The following TRHDE variants were observed in gnomAD, a reference collection of about 807,000 sequenced individuals.
The protein encoded by TRHDE is thyrotropin releasing hormone degrading enzyme, also known as thyrotropin-releasing hormone-degrading ectoenzyme.
A neutral mutation model predicts 125.7 loss-of-function variants in TRHDE; 72 were observed. That is an observed-to-expected ratio of 0.57 (90% CI 0.47 to 0.70). The LOEUF (loss-of-function observed/expected upper bound fraction) is 0.70, where lower values mean the gene tolerates loss of function less well. Ranked by LOEUF, TRHDE falls within the 30% of genes least tolerant of loss-of-function variation. The pLI is 0.00. For missense variants in TRHDE, 1,110 were observed against 1,327.1 expected, an observed-to-expected ratio of 0.84 and a Z score of 2.54; for synonymous variants, 509 against 509.1, an observed-to-expected ratio of 1.00 and a Z score of 0.00.
At chr12:72,486,183 G>T (rs982052934) in intron 5 of TRHDE, among the ~76,000 whole-genome samples, 2 of 152,174 alleles carry the variant, frequency 1.3e-5, no homozygotes, top group African/African-American at 4.8e-5. Context: ...CCTGGGTCCA[G>T]GTTGCTGGGA....
chr12:72,646,658 G>A (rs1874292934), intron 15 of TRHDE, among the ~76,000 whole-genome samples: 1 of 151,896 alleles, frequency 6.6e-6, no homozygotes, highest in African/African-American at 2.4e-5. Flanking sequence ...TTTGCAAATG[G>A]AAAAGCAGAA....
chr12:72,156,607 G>A (rs1876518905), intron 2 of TRHDE, among the ~76,000 whole-genome samples: 2 of 152,206 alleles, frequency 1.3e-5, no homozygotes, highest in African/African-American at 4.8e-5. Context: ...AAAGATTGCA[G>A]AAGTAGGCAG....
At chr12:72,556,497 C>T (rs1338786000) in intron 7 of TRHDE, among the ~76,000 whole-genome samples, 1 of 152,192 alleles carries the variant, frequency 6.6e-6, no homozygotes, top group Non-Finnish European at 1.5e-5. Flanking sequence ...CCCTCAGTGT[C>T]ACCATGACAG....
chr12:72,259,927 T>C (rs1030791989), intron 2 of TRHDE, among the ~76,000 whole-genome samples: 6 of 152,362 alleles, frequency 3.9e-5, no homozygotes, highest in South Asian at 4.1e-4. Context: ...TTAGGCATCA[T>C]GTAAATGTAG....
intron 15 of TRHDE, among the ~76,000 whole-genome samples, chr12:72,624,096 C>T (rs919034052): frequency 2.0e-5 from 3 of 151,936 alleles, no homozygotes; most frequent in South Asian, 2.1e-4. Context: ...CCTCCTGCAG[C>T]GAGGACACAT....
chr12:72,601,358 G>T (rs1819685352), intron 12 of TRHDE, among the ~76,000 whole-genome samples: 1 of 152,130 alleles, frequency 6.6e-6, no homozygotes, highest in South Asian at 2.1e-4. Flanking sequence ...AGCAAAGAAA[G>T]TGGCTTCTTG....
At chr12:72,531,705 T>C (rs1053885879) in intron 6 of TRHDE, among the ~76,000 whole-genome samples, 13 of 152,122 alleles carry the variant, frequency 8.5e-5, no homozygotes, top group African/African-American at 3.1e-4. Flanking sequence ...CAAATCATTC[T>C]AGTGTGATTT....
chr12:72,135,594 T>G (rs942697268), intron 2 of TRHDE, among the ~76,000 whole-genome samples: 15 of 151,892 alleles, frequency 9.9e-5, no homozygotes, highest in African/African-American at 3.4e-4. Context: ...ATAAAAGGAC[T>G]AGGGAAAAAT....
At chr12:72,460,974 C>T (rs1350207608) in intron 3 of TRHDE, among the ~76,000 whole-genome samples, 1 of 151,896 alleles carries the variant, frequency 6.6e-6, no homozygotes, top group Non-Finnish European at 1.5e-5. Context: ...TTGCAATTGA[C>T]AGTAATCAGT....
At chr12:72,467,264 C>G (rs548532508) in intron 3 of TRHDE, among the ~76,000 whole-genome samples, 8 of 148,812 alleles carry the variant, frequency 5.4e-5, no homozygotes, top group African/African-American at 2.0e-4. Flanking sequence ...CCCTGGTATA[C>G]GATGTTCCCC....
chr12:72,519,748 T>C (rs1315952035), intron 6 of TRHDE, among the ~76,000 whole-genome samples: 5 of 152,146 alleles, frequency 3.3e-5, no homozygotes, highest in Admixed American at 1.3e-4. Flanking sequence ...AGTTTTTCTG[T>C]TCTGTTTTTT....
chr12:72,466,078 T>C (rs17111208), intron 3 of TRHDE, among the ~76,000 whole-genome samples: 6,165 of 152,244 alleles, frequency 0.04, 448 homozygotes, highest in African/African-American at 0.14. Flanking sequence ...CCTCATACCT[T>C]TCGATACCAG....
Position 72,595,014 on chromosome 12 carries a change from C to CA in TRHDE, c.2321+19478dup, listed in dbSNP as rs547138275. Among the ~76,000 whole-genome samples, 143 of 146,398 alleles carry CA rather than the reference C, an allele frequency of 9.8e-4. 1 individual carries two copies. The highest frequency in any genetic ancestry group is 8.4e-3 in the South Asian group (39 of 4,628). On this transcript the variant is annotated intron_variant, in intron 12 of 18. Transcript: ENST00000261180. ...CATTCTCAGTAAACTATTGCAAGGACAAAAAACCAAACACCGCATGTTCTC... is the reference window on the plus strand; with the variant it reads ...CATTCTCAGTAAACTATTGCAAGGACAAAAAAACCAAACACCGCATGTTCTC...
chr12:72,471,622 C>T (rs985303561), intron 4 of TRHDE, among the ~76,000 whole-genome samples: 2 of 152,152 alleles, frequency 1.3e-5, no homozygotes, highest in Non-Finnish European at 2.9e-5. Flanking sequence ...TTCCTGCCCA[C>T]CTATTTGTTG....
At chr12:72,139,123 C>T (rs1876055266) in intron 2 of TRHDE, among the ~76,000 whole-genome samples, 1 of 152,144 alleles carries the variant, frequency 6.6e-6, no homozygotes, top group Non-Finnish European at 1.5e-5. Context: ...GGATTTGGCT[C>T]TCCAGTGAAG....
At chr12:72,239,190 CT>C (rs1437494147) in intron 2 of TRHDE, among the ~76,000 whole-genome samples, 1 of 150,696 alleles carries the variant, frequency 6.6e-6, no homozygotes. Context: ...TAAATGTCTT[CT>C]TTTGAGAAGT....
intron 2 of TRHDE, among the ~76,000 whole-genome samples, chr12:72,239,139 C>T (rs1244608857): frequency 1.3e-5 from 2 of 152,122 alleles, no homozygotes; most frequent in East Asian, 3.9e-4. Context: ...TCTCTGATGG[C>T]CAGTGATGAT....
intron 2 of TRHDE, among the ~76,000 whole-genome samples, chr12:72,364,109 A>G (rs1232468730): frequency 6.6e-6 from 1 of 152,150 alleles, no homozygotes; most frequent in African/African-American, 2.4e-5. Flanking sequence ...CCACTGCTCA[A>G]TGAAATAAAA....
chr12:72,425,545 CT>C (rs1452890004), intron 3 of TRHDE, among the ~76,000 whole-genome samples: 17 of 151,982 alleles, frequency 1.1e-4, no homozygotes. Flanking sequence ...AGATCCTCAC[CT>C]TGTGACAGCT....
Sources: gnomAD v4.1 joint callset for allele counts (sites outside exome capture counted in the v4.1 genomes callset) on GRCh38, gnomAD v4.1.1 for gene constraint, MANE v1.5 for transcripts, NCBI Gene and HGNC (gene_info 2026-07-23, HGNC 2026-07-21) for gene names.